UQCRFS1: variants seen among roughly 807,000 people sequenced by gnomAD.
The protein encoded by UQCRFS1 is cytochrome b-c1 complex subunit Rieske, mitochondrial.
Under a neutral mutation model 15.6 loss-of-function variants are expected in UQCRFS1, and 6 were observed. The observed-to-expected ratio is 0.38, with a 90% CI of 0.21 to 0.76. The LOEUF is 0.76. UQCRFS1 is among the 30% of genes least tolerant of loss of function. The probability of loss-of-function intolerance (pLI) is 0.44; values close to 1 mark genes in which losing one functional copy is unlikely to be tolerated. For missense variants in UQCRFS1, 203 were observed against 366.7 expected, an observed-to-expected ratio of 0.55 and a Z score of 3.65; for synonymous variants, 105 against 154.3, an observed-to-expected ratio of 0.68 and a Z score of 2.37.
chr19:29,210,501 T>TCCCTCC (rs1976634670), intron 1 of UQCRFS1, among the ~76,000 whole-genome samples: 5 of 143,596 alleles, frequency 3.5e-5, no homozygotes, highest in Admixed American at 2.8e-4. Flanking sequence ...CCCAATGCTA[T>TCCCTCC]CCCTCCCCCT....
At chr19:29,212,434 GT>G (rs1181704872) in intron 1 of UQCRFS1, among the ~76,000 whole-genome samples, 1 of 151,896 alleles carries the variant, frequency 6.6e-6, no homozygotes, top group African/African-American at 2.4e-5. Context: ...GAAGGGATCG[GT>G]AGTGGTGAGA....
At position 29,207,767 on chromosome 19, in the gene UQCRFS1, T is replaced by G. The variant is rs1976607232; in HGVS notation, c.606A>C (p.Leu202=). ...CCCATTCAGGTTTCTTTACTCGATC[T>G]AGATCATGCTGTGGGTCCCTCAACT... ...LSQLRDPQHD[L]DRVKKPEWVI... Residue 202 remains leucine, a synonymous_variant, in exon 2 of 2, where the codon CTA becomes CTC. Transcript: ENST00000304863. The G allele has an allele frequency of 6.2e-7, 1 of 1,614,054 alleles. No homozygotes were observed. The highest frequency in any genetic ancestry group is 1.3e-5 in the African/African-American group (1 of 75,068).
At chr19:29,212,521 G>A (rs984563875) in intron 1 of UQCRFS1, among the ~76,000 whole-genome samples, 14 of 152,102 alleles carry the variant, frequency 9.2e-5, no homozygotes, top group African/African-American at 3.1e-4. Flanking sequence ...ACGGCTTTAC[G>A]TAGAATTCCT....
At chr19:29,212,836 C>A (rs1052883378) in intron 1 of UQCRFS1, 69 bp downstream of exon 1, 18 of 1,342,192 alleles carry the variant, frequency 1.3e-5, no homozygotes, top group Non-Finnish European at 1.6e-5. Flanking sequence ...CGGCCGCTCC[C>A]TGCTGGGGGC....
At chr19:29,211,942 C>T (rs1237952861) in intron 1 of UQCRFS1, among the ~76,000 whole-genome samples, 2 of 152,162 alleles carry the variant, frequency 1.3e-5, no homozygotes, top group Non-Finnish European at 2.9e-5. Context: ...ACTGCGGGGG[C>T]GGCCACTACA....
rs1444352169 is a variant in UQCRFS1 at position 29,207,906 on chromosome 19, A to G, written c.467T>C (p.Leu156Ser). Reference sequence around the variant, plus strand: ...GTTCTTGCCTTCTGGAATATCGGATAACTTGATTTCGATTTTCGCCAGGGC... The same window carrying G: ...GTTCTTGCCTTCTGGAATATCGGATGACTTGATTTCGATTTTCGCCAGGGC... Reference protein sequence around the residue: ...VLALAKIEIKLSDIPEGKNMA... With the variant: ...VLALAKIEIKSSDIPEGKNMA... The change falls in exon 2 of 2, where the codon TTA becomes TCA. Residue 156 changes from leucine (L) to serine (S), a missense_variant. This residue lies in a region of UQCRFS1 where 91 missense variants were observed against 186.9 expected (regional missense o/e 0.49). Coordinates refer to ENST00000304863, the MANE Select transcript of UQCRFS1 (RefSeq NM_006003.3). The G allele has an allele frequency of 6.2e-7, 1 of 1,613,878 alleles. No homozygotes were observed. The highest frequency in any genetic ancestry group is 1.7e-5 in the Admixed American group (1 of 60,000).
intron 1 of UQCRFS1, among the ~76,000 whole-genome samples, chr19:29,210,684 T>G (rs568979492): frequency 1.3e-5 from 2 of 152,178 alleles, no homozygotes; most frequent in Non-Finnish European, 2.9e-5. Context: ...ACAAAGGACA[T>G]GAACTCATCA....
At chr19:29,209,966 G>A (rs1348737131) in intron 1 of UQCRFS1, among the ~76,000 whole-genome samples, 2 of 151,874 alleles carry the variant, frequency 1.3e-5, no homozygotes, top group African/African-American at 4.8e-5. Context: ...AAATTAAACT[G>A]CCCTGTTGCA....
intron 1 of UQCRFS1, among the ~76,000 whole-genome samples, chr19:29,210,920 C>T (rs1203683585): frequency 6.6e-6 from 1 of 151,912 alleles, no homozygotes; most frequent in Non-Finnish European, 1.5e-5. Context: ...TTCTAGATCC[C>T]TGAGGAATCT....
In UQCRFS1 at chr19:29,212,685, C is replaced by T. The variant is rs377362136; in HGVS notation, c.214+220G>A. Among the ~76,000 whole-genome samples the T allele has an allele frequency of 4.7e-3, 718 of 152,308 alleles. 2 individuals carry two copies. Among genetic ancestry groups the T allele is most frequent in the Admixed American group, 8.4e-3 (128 of 15,302 alleles). Reference sequence around the variant, plus strand: ...ACAGCGGGACTACAGAGCTCGTGAACTCGGCCGAGGAGGAACCAGGCGAAG... The same window carrying T: ...ACAGCGGGACTACAGAGCTCGTGAATTCGGCCGAGGAGGAACCAGGCGAAG... On this transcript the variant is annotated intron_variant, in intron 1 of 1. Coordinates refer to ENST00000304863, the MANE Select transcript of UQCRFS1 (RefSeq NM_006003.3).
In UQCRFS1 at chr19:29,207,868, A is replaced by C; in HGVS notation, c.505T>G (p.Trp169Gly). 1 of 1,613,978 alleles carries C rather than the reference A, an allele frequency of 6.2e-7. No individual in the cohort carries two copies. Among genetic ancestry groups the C allele is most frequent in the Non-Finnish European group, 8.5e-7 (1 of 1,179,874 alleles). ...IPEGKNMAFK[W>G]RGKPLFVRHR... is the part of the protein sequence containing the mutation. ...CGCACAAACAGGGGTTTGCCTCTCC[A>C]TTTGAAAGCCATGTTCTTGCCTTCT... Residue 169 changes from tryptophan (W) to glycine (G), a missense_variant, in exon 2 of 2, where the codon TGG becomes GGG. By Grantham distance (184) the Trp-to-Gly change is radical. Coordinates refer to ENST00000304863, the MANE Select transcript of UQCRFS1 (RefSeq NM_006003.3).
chr19:29,208,305 G>C (rs1976613133), intron 1 of UQCRFS1, 147 bp from the exon 2 acceptor site: 1 of 1,126,178 alleles, frequency 8.9e-7, no homozygotes, highest in South Asian at 1.7e-5. Flanking sequence ...CTCAGAAATA[G>C]TCAAATTGGC....
rs776417457 is a variant in UQCRFS1 at position 29,207,694 on chromosome 19, T to G, written c.679A>C (p.Asn227His). The G allele has an allele frequency of 1.3e-5, 21 of 1,613,954 alleles. No homozygotes were observed. The highest frequency in any genetic ancestry group is 1.5e-5 in the Non-Finnish European group (18 of 1,179,866). Residue 227 changes from asparagine to histidine, a missense_variant, in exon 2 of 2, where the codon AAT becomes CAT. Physicochemically the swap from Asn to His is moderately conservative, Grantham distance 68. This residue lies in a region of UQCRFS1 where 91 missense variants were observed against 186.9 expected (regional missense o/e 0.49). Transcript: ENST00000304863. ...TAATAACCACCAAAATCTCCTGCAT[T>G]TGCAATGGGTACACAGCCAAGATGA... ...CTHLGCVPIANAGDFGGYYCP... is the reference protein window; with the variant it reads ...CTHLGCVPIAHAGDFGGYYCP...
At position 29,206,176 on chromosome 19, in the gene UQCRFS1, T is replaced by C. The variant is rs1316004175; in HGVS notation, c.*1372A>G. The C allele has an allele frequency of 1.3e-5, 2 of 151,676 alleles. No homozygotes were observed. Among genetic ancestry groups the C allele is most frequent in the Non-Finnish European group, 2.9e-5 (2 of 67,940 alleles). The allele number at this position is 151,676 out of a possible 1,614,324, so 9.4% of individuals were successfully genotyped here. On this transcript the variant is annotated 3_prime_UTR_variant, in exon 2 of 2. Coordinates refer to ENST00000304863, the MANE Select transcript of UQCRFS1 (RefSeq NM_006003.3). ...CAATCCGAAGAGTGCCTCCACTATCTAGAGACACAGAATATAAAATACTTC... is the reference window on the plus strand; with the variant it reads ...CAATCCGAAGAGTGCCTCCACTATCCAGAGACACAGAATATAAAATACTTC...
In UQCRFS1 at chr19:29,212,692, G is replaced by A. The variant is rs556251895; in HGVS notation, c.214+213C>T. 1.8e-4 allele frequency among the ~76,000 whole-genome samples: 28 copies of A among 152,308 alleles called. No homozygotes were observed. In the East Asian group the frequency reaches 5.2e-3, roughly 28 times the overall value. ...GACTACAGAGCTCGTGAACTCGGCC[G>A]AGGAGGAACCAGGCGAAGCCGGCGG... On this transcript the variant is annotated intron_variant, in intron 1 of 1. Transcript: ENST00000304863.
intron 1 of UQCRFS1, among the ~76,000 whole-genome samples, chr19:29,211,148 T>C (rs1216225905): frequency 6.6e-6 from 1 of 150,680 alleles, no homozygotes; most frequent in South Asian, 2.1e-4. Context: ...AGGGCTAATA[T>C]CCAGAATCTA....
At position 29,213,064 on chromosome 19, in the gene UQCRFS1, A is replaced by G. The variant is rs1189534425; in HGVS notation, c.55T>C (p.Ser19Pro). Residue 19 changes from serine (S) to proline (P), a missense_variant, in exon 1 of 2, where the codon TCC becomes CCC. Physicochemically the swap from Ser to Pro is moderately conservative, Grantham distance 74. Coordinates refer to ENST00000304863, the MANE Select transcript of UQCRFS1 (RefSeq NM_006003.3). ...CGCAGCGCGCCCGCCACCCCGCGGG[A>G]CGTGGCCGACAGGACGGGCGCGAAC... ...GPFAPVLSAT[S>P]RGVAGALRPL... The G allele has an allele frequency of 4.8e-6, 7 of 1,467,716 alleles. No homozygotes were observed. Among genetic ancestry groups the G allele is most frequent in the Non-Finnish European group, 6.2e-6 (7 of 1,121,502 alleles). 90.9% of individuals were successfully genotyped at this position (1,467,716 alleles called of 1,614,324 possible).
In UQCRFS1 at chr19:29,207,570, T is replaced by A. The variant is rs1278297619; in HGVS notation, c.803A>T (p.Asp268Val). 4.3e-6 allele frequency: 7 copies of A among 1,611,384 alleles called. No individual in the cohort carries two copies. Among genetic ancestry groups the A allele is most frequent in the Non-Finnish European group, 5.9e-6 (7 of 1,177,930 alleles). Residue 268 changes from aspartate (D) to valine (V), a missense_variant, in exon 2 of 2, where the codon GAC becomes GTC. This residue lies in a region of UQCRFS1 where 91 missense variants were observed against 186.9 expected (regional missense o/e 0.49). Coordinates refer to ENST00000304863, the MANE Select transcript of UQCRFS1 (RefSeq NM_006003.3). ...LEVPTYEFTS[D>V]DMVIVG is the part of the protein sequence containing the mutation. ...CTCTTAACCAACAATCACCATATCG[T>A]CACTGGTGAACTCATACGTGGGGAC...
Position 29,206,598 on chromosome 19 carries a change from G to A in UQCRFS1, c.*950C>T, listed in dbSNP as rs908917416. The A allele has an allele frequency of 6.6e-6, 1 of 152,212 alleles. No individual in the cohort carries two copies. The highest frequency in any genetic ancestry group is 1.5e-5 in the Non-Finnish European group (1 of 68,050). 9.4% of individuals were successfully genotyped at this position (152,212 alleles called of 1,614,324 possible). On this transcript the variant is annotated 3_prime_UTR_variant, in exon 2 of 2. Transcript: ENST00000304863. ...CAGAATAGGATGTGAATTCCGATGT[G>A]CTCTGCGTCTGGTTCCACACCATCT...
Sources: allele counts gnomAD v4.1 joint callset (sites outside exome capture counted in the v4.1 genomes callset), GRCh38; gene constraint gnomAD v4.1.1; regional missense constraint gnomAD v4.1.1; transcripts MANE v1.5; gene names NCBI Gene and HGNC (gene_info 2026-07-23, HGNC 2026-07-21).